CLCN3: variants seen among roughly 807,000 people sequenced by gnomAD.
The protein encoded by CLCN3 is Cl-/H+ antiporter 3, also known as H(+)/Cl(-) exchange transporter 3.
In CLCN3, 16 loss-of-function variants were observed where a neutral mutation model predicts 83.4. That is an observed-to-expected ratio of 0.19 (90% CI 0.13 to 0.29). CLCN3 has a LOEUF of 0.29. CLCN3 is among the 10% of genes least tolerant of loss of function. The probability of loss-of-function intolerance (pLI) is 1.00; values close to 1 mark genes in which losing one functional copy is unlikely to be tolerated. For synonymous variants in CLCN3, 322 were observed against 346.2 expected (o/e 0.93, Z 0.78); for missense variants, 544 against 1,006.0 (o/e 0.54, Z 6.21).
At chr4:169,670,266 G>A (rs1288206047) in intron 2 of CLCN3, among the ~76,000 whole-genome samples, 3 of 152,042 alleles carry the variant, frequency 2.0e-5, no homozygotes, top group Non-Finnish European at 4.4e-5. Flanking sequence ...GCCTCAAATC[G>A]ATCTTGAGTT....
In CLCN3 at chr4:169,707,016, C is replaced by T. The variant is rs2150267113; in HGVS notation, c.1899C>T (p.His633=). 4 of 1,614,180 alleles carry T rather than the reference C, an allele frequency of 2.5e-6. No individual in the cohort carries two copies. Among genetic ancestry groups the T allele is most frequent in the Middle Eastern group, 1.7e-4 (1 of 6,060 alleles). Residue 633 remains histidine (H), a synonymous_variant, in exon 11 of 13, where the codon CAC becomes CAT. Coordinates refer to ENST00000513761, the MANE Select transcript of CLCN3 (RefSeq NM_001829.4). ...AFGREGIYEA[H]IRLNGYPFLD... ...GCAGGGAAGGCATTTATGAAGCACA[C>T]ATCCGATTAAATGGATACCCTTTCT...
At position 169,632,351 on chromosome 4, in the gene CLCN3, A is replaced by G. The variant is rs140122135; in HGVS notation, c.-16-3562A>G. Among the ~76,000 whole-genome samples the G allele has an allele frequency of 2.0e-5, 3 of 152,294 alleles. No homozygotes were observed. In the East Asian group the frequency reaches 5.8e-4, roughly 29 times the overall value. ...TACAACTGGCCAACAAGCATGTGAA[A>G]AAATGCTCAACATCACTAATGATTA... On this transcript the variant is annotated intron_variant, in intron 1 of 12. Transcript: ENST00000513761.
At chr4:169,714,215 C>G in intron 12 of CLCN3, among the ~76,000 whole-genome samples, 1 of 151,892 alleles carries the variant, frequency 6.6e-6, no homozygotes, top group Non-Finnish European at 1.5e-5. Context: ...TATGCATAAA[C>G]TGGATGGCTA....
At chr4:169,633,687 A>G (rs1773437653) in intron 1 of CLCN3, among the ~76,000 whole-genome samples, 1 of 152,248 alleles carries the variant, frequency 6.6e-6, no homozygotes, top group Non-Finnish European at 1.5e-5. Flanking sequence ...TAAAAAGGTA[A>G]AAAGAAAGTG....
intron 1 of CLCN3, among the ~76,000 whole-genome samples, chr4:169,624,576 A>C (rs1399222570): frequency 6.6e-6 from 1 of 152,170 alleles, no homozygotes; most frequent in Admixed American, 6.5e-5. Context: ...GCTGGAATAC[A>C]TACTAATTTT....
intron 2 of CLCN3, among the ~76,000 whole-genome samples, chr4:169,671,623 T>A (rs2150229818): frequency 1.3e-5 from 2 of 152,266 alleles, no homozygotes; most frequent in African/African-American, 4.8e-5. Flanking sequence ...AAAAAAAGAA[T>A]TTTTCTCCTC....
chr4:169,623,813 G>A (rs577959701), intron 1 of CLCN3, among the ~76,000 whole-genome samples: 27 of 151,792 alleles, frequency 1.8e-4, no homozygotes, highest in Non-Finnish European at 3.5e-4. Flanking sequence ...TATGTCCTCC[G>A]GGTTAATCTA....
chr4:169,621,950 T>C (rs1773122134), intron 1 of CLCN3, among the ~76,000 whole-genome samples: 2 of 152,230 alleles, frequency 1.3e-5, no homozygotes, highest in Non-Finnish European at 2.9e-5. Context: ...GCTGCTGCTA[T>C]TCAGTGTCTT....
intron 1 of CLCN3, among the ~76,000 whole-genome samples, chr4:169,630,851 G>A (rs1010147081): frequency 1.3e-5 from 2 of 152,126 alleles, no homozygotes; most frequent in African/African-American, 4.8e-5. Flanking sequence ...TCTTTATCCA[G>A]TCCACTATTG....
intron 2 of CLCN3, among the ~76,000 whole-genome samples, chr4:169,672,254 A>ATAGATAGATAGG: frequency 6.6e-6 from 1 of 152,034 alleles, no homozygotes; most frequent in Non-Finnish European, 1.5e-5. Flanking sequence ...AGATAGATAG[A>ATAGATAGATAGG]TAGATAAAAT....
At chr4:169,667,667 T>C (rs1285260990) in intron 2 of CLCN3, among the ~76,000 whole-genome samples, 3 of 116,784 alleles carry the variant, frequency 2.6e-5, no homozygotes. Context: ...GCATAATGAA[T>C]TAAGTTATCT....
At chr4:169,655,670 A>G (rs752994634) in intron 2 of CLCN3, among the ~76,000 whole-genome samples, 3 of 151,924 alleles carry the variant, frequency 2.0e-5, no homozygotes, top group Non-Finnish European at 2.9e-5. Context: ...CATTTTTATA[A>G]ATTTTTTGTA....
chr4:169,643,679 A>T (rs1730488305), intron 2 of CLCN3, among the ~76,000 whole-genome samples: 1 of 152,100 alleles, frequency 6.6e-6, no homozygotes, highest in Non-Finnish European at 1.5e-5. Flanking sequence ...GACTATAGGC[A>T]TATACTACCA....
intron 3 of CLCN3, among the ~76,000 whole-genome samples, chr4:169,682,352 G>A (rs1731977652): frequency 1.3e-5 from 2 of 152,038 alleles, no homozygotes; most frequent in Admixed American, 6.5e-5. Context: ...GATTTTTACT[G>A]GAGAGCTCAA....
intron 10 of CLCN3, 80 bp downstream of exon 10, chr4:169,704,264 A>C (rs1732906198): frequency 1.5e-6 from 2 of 1,366,832 alleles, no homozygotes; most frequent in Middle Eastern, 5.2e-4. Flanking sequence ...ATTCTTGCTT[A>C]ATTGGTGGGC....
intron 2 of CLCN3, chr4:169,663,629 T>C: frequency 2.3e-6 from 1 of 430,994 alleles, no homozygotes; most frequent in Non-Finnish European, 4.6e-6. Context: ...TGCGAGCCAC[T>C]GTGCCTGGCT....
At chr4:169,679,991 C>A in intron 2 of CLCN3, 59 bp from the exon 3 acceptor site, 1 of 1,300,396 alleles carries the variant, frequency 7.7e-7, no homozygotes, top group South Asian at 1.2e-5. Context: ...CTAAGAAGGT[C>A]ACTTAGCTCA....
At chr4:169,648,886 G>T (rs1190870275) in intron 2 of CLCN3, among the ~76,000 whole-genome samples, 2 of 152,094 alleles carry the variant, frequency 1.3e-5, no homozygotes, top group African/African-American at 4.8e-5. Context: ...AGTTAGCCAG[G>T]TGTGGTGGTG....
chr4:169,656,103 A>G lies in CLCN3; in HGVS notation c.160+20015A>G, dbSNP rs111820721. Among the ~76,000 whole-genome samples the G allele has an allele frequency of 7.9e-3, 1,195 of 151,954 alleles. 19 individuals carry two copies. The highest frequency in any genetic ancestry group is 0.027 in the African/African-American group (1,118 of 41,462). On this transcript the variant is annotated intron_variant, in intron 2 of 12. Transcript: ENST00000513761. ...TCTCTGATGCATTTTGATTCGGAGA[A>G]TGACTGACAATGCAAGTTAAGGTTT...
Sources: allele counts gnomAD v4.1 joint callset (sites outside exome capture counted in the v4.1 genomes callset), GRCh38; gene constraint gnomAD v4.1.1; transcripts MANE v1.5; gene names NCBI Gene and HGNC (gene_info 2026-07-23, HGNC 2026-07-21).